Variants in ZFPM2 observed in about 807,000 individuals in gnomAD.
The protein encoded by ZFPM2 is zinc finger protein ZFPM2.
ZFPM2 carries 20 observed loss-of-function variants against 98.6 expected under a neutral mutation model. That is an observed-to-expected ratio of 0.20 (90% CI 0.14 to 0.29). ZFPM2 has a LOEUF of 0.29. Ranked by LOEUF, ZFPM2 falls within the 10% of genes least tolerant of loss-of-function variation. The pLI is 1.00. For synonymous variants in ZFPM2, 518 were observed against 502.7 expected (o/e 1.03, Z -0.41); for missense variants, 1,310 against 1,388.6 (o/e 0.94, Z 0.90).
intron 5 of ZFPM2, among the ~76,000 whole-genome samples, chr8:105,695,378 A>ATTTTTTT (rs1165726984): frequency 4.0e-5 from 3 of 74,834 alleles, no homozygotes; most frequent in African/African-American, 5.5e-5. Flanking sequence ...AATGGTTTGT[A>ATTTTTTT]TTTTTTTTTT....
chr8:105,483,810 T>C (rs1370115776), intron 3 of ZFPM2, among the ~76,000 whole-genome samples: 4 of 151,218 alleles, frequency 2.6e-5, no homozygotes, highest in African/African-American at 4.9e-5. Flanking sequence ...CTTGGCTCAC[T>C]GCAACCTCTG....
intron 5 of ZFPM2, among the ~76,000 whole-genome samples, chr8:105,734,105 A>T (rs1812013914): frequency 6.6e-6 from 1 of 151,872 alleles, no homozygotes; most frequent in African/African-American, 2.4e-5. Context: ...TTGGCCACAC[A>T]GCTCCATGTC....
chr8:105,605,463 T>A (rs2130790346), intron 4 of ZFPM2, among the ~76,000 whole-genome samples: 1 of 152,246 alleles, frequency 6.6e-6, no homozygotes, highest in South Asian at 2.1e-4. Flanking sequence ...GATTTATTAT[T>A]TTATCTACAT....
rs374415283 is a variant in ZFPM2, at chr8:105,536,120, T to C, written c.302-25243T>C. On this transcript the variant is annotated intron_variant, in intron 3 of 7. Coordinates refer to ENST00000407775, the MANE Select transcript of ZFPM2 (RefSeq NM_012082.4). ...TTTAAACAAAAATTCTATGTAATAA[T>C]AGACCTTGAATAAATTATGTATTAT... Among the ~76,000 whole-genome samples, 41 of 152,292 alleles carry C rather than the reference T, an allele frequency of 2.7e-4. No homozygotes were observed. The East Asian group carries it at 7.7e-3, about 29-fold the overall frequency.
At chr8:105,491,443 A>G (rs564008893) in intron 3 of ZFPM2, among the ~76,000 whole-genome samples, 78 of 152,292 alleles carry the variant, frequency 5.1e-4, no homozygotes, top group Non-Finnish European at 8.8e-4. Context: ...AAAGCAAACC[A>G]TGGATAAAGA....
intron 5 of ZFPM2, among the ~76,000 whole-genome samples, chr8:105,671,461 A>G (rs1019030301): frequency 2.0e-5 from 3 of 151,872 alleles, no homozygotes; most frequent in Non-Finnish European, 4.4e-5. Flanking sequence ...CTCATTTCTC[A>G]TAATTTTTCA....
chr8:105,600,647 TA>T (rs1348071304), intron 4 of ZFPM2, among the ~76,000 whole-genome samples: 14 of 152,136 alleles, frequency 9.2e-5, no homozygotes, highest in African/African-American at 3.4e-4. Context: ...GCTCATTTTT[TA>T]TTTTTTTAAA....
intron 3 of ZFPM2, among the ~76,000 whole-genome samples, chr8:105,546,917 C>T (rs1033863315): frequency 2.0e-5 from 3 of 152,086 alleles, no homozygotes; most frequent in African/African-American, 7.2e-5. Flanking sequence ...CATATATTTT[C>T]TCCTTATTAT....
chr8:105,763,279 C>T (rs971115943), intron 5 of ZFPM2, among the ~76,000 whole-genome samples: 5 of 151,516 alleles, frequency 3.3e-5, no homozygotes, highest in East Asian at 1.9e-4. Flanking sequence ...AAAATTGCAG[C>T]GGACAATAGA....
chr8:105,380,677 T>A (rs1335141230), intron 1 of ZFPM2, among the ~76,000 whole-genome samples: 2 of 15,734 alleles, frequency 1.3e-4, no homozygotes, highest in East Asian at 1.2e-3. Flanking sequence ...ACATATATAT[T>A]ATATATATAT....
At chr8:105,737,772 G>A (rs1278951633) in intron 5 of ZFPM2, 1 of 152,018 alleles carries the variant, frequency 6.6e-6, no homozygotes, top group Non-Finnish European at 1.5e-5. Flanking sequence ...GCATGGTGGA[G>A]GCAGTTACTG....
chr8:105,359,406 C>T (rs182119368), intron 1 of ZFPM2, among the ~76,000 whole-genome samples: 25 of 141,362 alleles, frequency 1.8e-4, no homozygotes, highest in African/African-American at 3.1e-4. Flanking sequence ...GACAGAGTCT[C>T]GCTCTGTCAC....
At chr8:105,360,957 A>C (rs1391264871) in intron 1 of ZFPM2, among the ~76,000 whole-genome samples, 1 of 147,184 alleles carries the variant, frequency 6.8e-6, no homozygotes, top group African/African-American at 2.5e-5. Flanking sequence ...TCTTTATAGC[A>C]GCATGATTTA....
At chr8:105,624,947 A>G (rs773620228) in intron 4 of ZFPM2, among the ~76,000 whole-genome samples, 1 of 152,164 alleles carries the variant, frequency 6.6e-6, no homozygotes, top group Non-Finnish European at 1.5e-5. Flanking sequence ...ATCATATTTG[A>G]GATCCCACAT....
intron 3 of ZFPM2, among the ~76,000 whole-genome samples, chr8:105,463,694 G>A (rs1237672939): frequency 6.6e-6 from 1 of 151,980 alleles, no homozygotes; most frequent in East Asian, 1.9e-4. Flanking sequence ...GTGGCCTTGG[G>A]TTGCTTCTTA....
intron 3 of ZFPM2, among the ~76,000 whole-genome samples, chr8:105,462,873 T>C (rs1214874230): frequency 6.6e-6 from 1 of 152,160 alleles, no homozygotes; most frequent in East Asian, 1.9e-4. Context: ...AGTCGTTTAT[T>C]CGATTCAACG....
In ZFPM2 at chr8:105,359,532, G is replaced by A. The variant is rs554228882; in HGVS notation, c.40+40551G>A. On this transcript the variant is annotated intron_variant, in intron 1 of 7. Coordinates refer to ENST00000407775, the MANE Select transcript of ZFPM2 (RefSeq NM_012082.4). ...TGGGACTACAGGCACGTGCCACCAT[G>A]CCTGGCTAATTTTTTGTATTTTTAG... 1.3e-4 allele frequency among the ~76,000 whole-genome samples: 19 copies of A among 151,876 alleles called. No individual in the cohort carries two copies. The South Asian group carries it at 3.9e-3, about 32-fold the overall frequency.
At chr8:105,378,798 T>G (rs970370796) in intron 1 of ZFPM2, among the ~76,000 whole-genome samples, 10 of 152,136 alleles carry the variant, frequency 6.6e-5, no homozygotes, top group African/African-American at 2.4e-4. Context: ...AATAAGATAT[T>G]TCTGATATTT....
chr8:105,427,654 C>T (rs1267224440), intron 2 of ZFPM2, among the ~76,000 whole-genome samples: 8 of 152,036 alleles, frequency 5.3e-5, no homozygotes, highest in Admixed American at 1.3e-4. Context: ...AAACATAGAC[C>T]GTGTAATGGG....
Sources: gnomAD v4.1 joint callset for allele counts (sites outside exome capture counted in the v4.1 genomes callset) on GRCh38, gnomAD v4.1.1 for gene constraint, MANE v1.5 for transcripts, NCBI Gene and HGNC (gene_info 2026-07-23, HGNC 2026-07-21) for gene names.